RALGPS2: variants seen among roughly 807,000 people sequenced by gnomAD.
The protein encoded by RALGPS2 is ras-specific guanine nucleotide-releasing factor RalGPS2.
A neutral mutation model predicts 86.8 loss-of-function variants in RALGPS2; 43 were observed. The ratio of observed to expected loss-of-function variants is 0.50; its 90% confidence interval spans 0.39 to 0.64. RALGPS2 has a LOEUF of 0.64. Ranked by LOEUF, RALGPS2 falls within the 30% of genes least tolerant of loss-of-function variation. RALGPS2 has a pLI of 0.00. For missense variants in RALGPS2, 536 were observed against 694.6 expected (o/e 0.77, Z 2.57); for synonymous variants, 243 against 231.3 (o/e 1.05, Z -0.46).
intron 8 of RALGPS2, among the ~76,000 whole-genome samples, chr1:178,839,074 T>C (rs1282635902): frequency 6.6e-6 from 1 of 152,170 alleles, no homozygotes; most frequent in African/African-American, 2.4e-5. Context: ...TGGAACCAAG[T>C]TGGAAAACAC....
At chr1:178,860,772 T>C (rs1390942291) in intron 8 of RALGPS2, among the ~76,000 whole-genome samples, 1 of 152,208 alleles carries the variant, frequency 6.6e-6, no homozygotes, top group East Asian at 1.9e-4. Flanking sequence ...GTGGAGACTT[T>C]AGAATGACCA....
At chr1:178,833,312 T>A in intron 7 of RALGPS2, 112 bp from the exon 8 acceptor site, 1 of 1,015,726 alleles carries the variant, frequency 9.8e-7, no homozygotes, top group Non-Finnish European at 1.3e-6. Context: ...TTAAAGAAGA[T>A]ATAACTTTGA....
intron 2 of RALGPS2, among the ~76,000 whole-genome samples, chr1:178,777,850 C>A: frequency 6.8e-6 from 1 of 147,768 alleles, no homozygotes; most frequent in African/African-American, 2.5e-5. Context: ...ATGTAGAAAG[C>A]TGAAACTGGA....
At chr1:178,730,239 G>A (rs761719683) in intron 1 of RALGPS2, among the ~76,000 whole-genome samples, 12 of 152,114 alleles carry the variant, frequency 7.9e-5, no homozygotes, top group Admixed American at 2.0e-4. Context: ...ACCATGCCTG[G>A]CCCTGTTTTT....
chr1:178,880,094 G>T (rs1388747115), intron 10 of RALGPS2, among the ~76,000 whole-genome samples: 1 of 151,754 alleles, frequency 6.6e-6, no homozygotes, highest in Non-Finnish European at 1.5e-5. Flanking sequence ...ATTGAATTTT[G>T]CACTTTCACA....
At chr1:178,899,668 A>G (rs1660089255) in intron 17 of RALGPS2, among the ~76,000 whole-genome samples, 1 of 138,482 alleles carries the variant, frequency 7.2e-6, no homozygotes, top group African/African-American at 2.7e-5. Context: ...TTTTTTTGCC[A>G]AAATATTTAA....
At chr1:178,848,385 C>G (rs1051794960) in intron 8 of RALGPS2, among the ~76,000 whole-genome samples, 1 of 152,060 alleles carries the variant, frequency 6.6e-6, no homozygotes, top group African/African-American at 2.4e-5. Flanking sequence ...GTAGTTCAGT[C>G]TTACTGAAGA....
At chr1:178,803,262 A>G (rs1177247113) in intron 4 of RALGPS2, among the ~76,000 whole-genome samples, 4 of 152,210 alleles carry the variant, frequency 2.6e-5, no homozygotes, top group Non-Finnish European at 5.9e-5. Flanking sequence ...TTACTTAACA[A>G]TAGGAAAATG....
intron 6 of RALGPS2, among the ~76,000 whole-genome samples, chr1:178,818,039 A>G (rs1450162919): frequency 6.6e-6 from 1 of 152,152 alleles, no homozygotes; most frequent in Non-Finnish European, 1.5e-5. Context: ...GTTAAGCCCA[A>G]TCCTCTGTGA....
intron 1 of RALGPS2, among the ~76,000 whole-genome samples, chr1:178,755,427 A>G (rs1651903539): frequency 6.6e-6 from 1 of 152,190 alleles, no homozygotes; most frequent in Non-Finnish European, 1.5e-5. Context: ...TATAAGTGAG[A>G]ACATGGCAGT....
chr1:178,760,140 G>A (rs1652163399), intron 1 of RALGPS2, among the ~76,000 whole-genome samples: 1 of 152,098 alleles, frequency 6.6e-6, no homozygotes, highest in Non-Finnish European at 1.5e-5. Flanking sequence ...GGTGATAGTG[G>A]GCATCCTTGT....
chr1:178,899,653 G>GTTTTTTT (rs57623890), intron 17 of RALGPS2, among the ~76,000 whole-genome samples: 48 of 140,556 alleles, frequency 3.4e-4, no homozygotes, highest in Admixed American at 1.7e-3. Context: ...TTTGGTTTTG[G>GTTTTTTT]TTTTTTTTTT....
chr1:178,790,309 G>C (rs143694058), intron 4 of RALGPS2, among the ~76,000 whole-genome samples: 3 of 152,212 alleles, frequency 2.0e-5, no homozygotes, highest in African/African-American at 4.8e-5. Flanking sequence ...AATCTGGCCA[G>C]TATAAAAAGG....
In RALGPS2 at chr1:178,824,584, G is replaced by A. The variant is rs181996924; in HGVS notation, c.480+2880G>A. 6.1e-3 allele frequency among the ~76,000 whole-genome samples: 930 copies of A among 152,156 alleles called. 10 individuals are homozygous for A. The highest frequency in any genetic ancestry group is 0.021 in the African/African-American group (886 of 41,518). On this transcript the variant is annotated intron_variant, in intron 7 of 19. Coordinates refer to ENST00000367635, the MANE Select transcript of RALGPS2 (RefSeq NM_152663.5). The stretch of plus-strand genomic sequence containing the variant: ...AGCACTTTGGGAGGCCAAGTCGGGC[G>A]GATCACAAGGTCAGGAGATCCAGAC...
intron 2 of RALGPS2, 66 bp downstream of exon 2, chr1:178,776,887 G>A (rs1276292156): frequency 7.7e-7 from 1 of 1,294,546 alleles, no homozygotes; most frequent in African/African-American, 1.5e-5. Flanking sequence ...CAAGCATTAT[G>A]TTTGTTCACA....
At chr1:178,750,077 C>G (rs7544146) in intron 1 of RALGPS2, among the ~76,000 whole-genome samples, 1 of 152,140 alleles carries the variant, frequency 6.6e-6, no homozygotes, top group Non-Finnish European at 1.5e-5. Flanking sequence ...CGCCACTGTT[C>G]GCCAGCCTTG....
In RALGPS2 at chr1:178,883,493, A is replaced by G. The variant is rs1385131460; in HGVS notation, c.864A>G (p.Thr288=). 1.9e-6 allele frequency: 3 copies of G among 1,613,422 alleles called. No homozygotes were observed. The highest frequency in any genetic ancestry group is 8.5e-7 in the Non-Finnish European group (1 of 1,179,382). Residue 288 remains threonine, a synonymous_variant, in exon 11 of 20, where the codon ACA becomes ACG. Transcript: ENST00000367635. ...YKLSLKIEPG[T]STPRSAASRE... ...TTTCATTAAAGATAGAACCAGGGAC[A>G]AGCACCCCACGTTCTGCTGCTTCCA...
In RALGPS2 at chr1:178,916,663, G is replaced by A; in HGVS notation, c.*304G>A. On this transcript the variant is annotated 3_prime_UTR_variant, in exon 20 of 20. Transcript: ENST00000367635. ...ACATGAAACACCAAATAGTGTGTGT[G>A]AATCTTCTGGCGGTGCTGTGCTTGG... is the stretch of plus-strand genomic sequence containing the variant. 2.9e-6 allele frequency: 1 copy of A among 340,376 alleles called. No individual in the cohort carries two copies. The allele number at this position is 340,376 out of a possible 1,614,324, so 21.1% of individuals were successfully genotyped here.
chr1:178,765,396 C>T (rs953850507), intron 1 of RALGPS2, among the ~76,000 whole-genome samples: 2 of 152,096 alleles, frequency 1.3e-5, no homozygotes, highest in African/African-American at 4.8e-5. Context: ...GCCGCAAAAC[C>T]AGCAAGTTTT....
Sources: allele counts gnomAD v4.1 joint callset (sites outside exome capture counted in the v4.1 genomes callset), GRCh38; gene constraint gnomAD v4.1.1; transcripts MANE v1.5; gene names NCBI Gene and HGNC (gene_info 2026-07-23, HGNC 2026-07-21).